Variants in RGPD2 observed in about 807,000 individuals in gnomAD.
The protein encoded by RGPD2 is RANBP2-like and GRIP domain-containing protein 2.
A neutral mutation model predicts 36.0 loss-of-function variants in RGPD2; 2 were observed. That is an observed-to-expected ratio of 0.06 (90% CI 0.02 to 0.17). The LOEUF (loss-of-function observed/expected upper bound fraction) is 0.17. Ranked by LOEUF, RGPD2 falls within the 10% of genes least tolerant of loss-of-function variation. The pLI is 1.00. For missense variants in RGPD2, 40 were observed against 464.3 expected, an observed-to-expected ratio of 0.09 and a Z score of 8.40; for synonymous variants, 19 against 163.8, an observed-to-expected ratio of 0.12 and a Z score of 6.75.
the RGPD2 span, among the ~76,000 whole-genome samples, chr2:87,983,677 AAG>A: frequency 4.2e-5 from 6 of 144,226 alleles, no homozygotes; most frequent in South Asian, 1.4e-3. Context: ...AATGGCACTA[AAG>A]GTATGGAGGC....
At chr2:87,883,632 G>A in the RGPD2 span, among the ~76,000 whole-genome samples, 4 of 151,706 alleles carry the variant, frequency 2.6e-5, no homozygotes, top group Non-Finnish European at 4.4e-5. Flanking sequence ...CACGTTAAAG[G>A]GAGACAGAAA....
chr2:87,882,338 G>A, the RGPD2 span, among the ~76,000 whole-genome samples: 27,449 of 150,020 alleles, frequency 0.18, 969 homozygotes, highest in Non-Finnish European at 0.23. Flanking sequence ...TTTCCCAACA[G>A]CATTTATTGT....
the RGPD2 span, among the ~76,000 whole-genome samples, chr2:87,894,422 A>ACTC: frequency 6.7e-6 from 1 of 150,042 alleles, no homozygotes; most frequent in African/African-American, 2.4e-5. Flanking sequence ...ATCACCTAAG[A>ACTC]TATGGTGATG....
the RGPD2 span, among the ~76,000 whole-genome samples, chr2:87,881,445 T>C: frequency 2.0e-5 from 3 of 152,082 alleles, no homozygotes; most frequent in African/African-American, 7.3e-5. Context: ...TTCTCAAACA[T>C]CCTCTGAAAT....
the RGPD2 span, among the ~76,000 whole-genome samples, chr2:87,866,025 CT>C: frequency 1.0e-5 from 1 of 98,844 alleles, no homozygotes; most frequent in African/African-American, 3.5e-5. Context: ...CATTGGTTGG[CT>C]TTGAGATACT....
At chr2:87,989,786 A>G in the RGPD2 span, 3 of 1,267,362 alleles carry the variant, frequency 2.4e-6, no homozygotes, top group Admixed American at 4.1e-5. Flanking sequence ...AGAGAGAATC[A>G]TGAAGTTTTG....
the RGPD2 span, among the ~76,000 whole-genome samples, chr2:87,984,350 G>T: frequency 1.3e-5 from 2 of 152,048 alleles, no homozygotes; most frequent in Non-Finnish European, 2.9e-5. Flanking sequence ...TGTGGTTAAA[G>T]AGTCGTGAAA....
At chr2:87,847,130 C>T in the RGPD2 span, among the ~76,000 whole-genome samples, 1 of 152,164 alleles carries the variant, frequency 6.6e-6, no homozygotes, top group Non-Finnish European at 1.5e-5. Context: ...TAGTATCTTT[C>T]CAGATTACCA....
the RGPD2 span, among the ~76,000 whole-genome samples, chr2:87,871,692 C>A: frequency 2.0e-5 from 3 of 151,838 alleles, no homozygotes; most frequent in Non-Finnish European, 1.5e-5. Flanking sequence ...ATGGAGAAAC[C>A]CTGTCTCTAC....
At chr2:87,951,892 C>G in the RGPD2 span, among the ~76,000 whole-genome samples, 1 of 150,452 alleles carries the variant, frequency 6.6e-6, no homozygotes, top group Non-Finnish European at 1.5e-5. Flanking sequence ...CCAAAACACT[C>G]TTATCTAGCC....
intron 21 of RGPD2, among the ~76,000 whole-genome samples, chr2:87,772,895 T>A (rs1264210683): frequency 6.8e-6 from 1 of 147,476 alleles, no homozygotes; most frequent in South Asian, 2.2e-4. Context: ...CAGGGTATCA[T>A]GGAAATGGAG....
the RGPD2 span, among the ~76,000 whole-genome samples, chr2:87,884,670 GC>G: frequency 6.6e-6 from 1 of 151,604 alleles, no homozygotes; most frequent in African/African-American, 2.4e-5. Context: ...AAAATTATAT[GC>G]CAACAAGTTA....
the RGPD2 span, among the ~76,000 whole-genome samples, chr2:87,924,581 T>C: frequency 1.3e-5 from 2 of 152,220 alleles, no homozygotes; most frequent in African/African-American, 4.8e-5. Context: ...TTTCCAAGAG[T>C]ATATCTCTCA....
chr2:87,907,464 G>GAAAAAAAAAAAAAAAAAAAAAAAAAA, the RGPD2 span, among the ~76,000 whole-genome samples: 1 of 2,012 alleles, frequency 5.0e-4, no homozygotes, highest in Non-Finnish European at 7.7e-4. Flanking sequence ...AAAAAAAAAA[G>GAAAAAAAAAAAAAAAAAAAAAAAAAA]AATTGTGGGT....
At chr2:87,940,013 A>G in the RGPD2 span, among the ~76,000 whole-genome samples, 1 of 152,054 alleles carries the variant, frequency 6.6e-6, no homozygotes, top group Non-Finnish European at 1.5e-5. Flanking sequence ...GACAATATAA[A>G]ATTAGTACTT....
At chr2:87,825,134 C>A in intron 1 of RGPD2, 1 of 389,742 alleles carries the variant, frequency 2.6e-6, no homozygotes, top group Non-Finnish European at 4.5e-6. Flanking sequence ...TCATTCATTG[C>A]CCCCACAATC....
chr2:87,884,372 C>G, the RGPD2 span, among the ~76,000 whole-genome samples: 1 of 151,832 alleles, frequency 6.6e-6, no homozygotes, highest in Admixed American at 6.6e-5. Flanking sequence ...AAGAGCTTAA[C>G]ATTACATCTT....
the RGPD2 span, among the ~76,000 whole-genome samples, chr2:87,951,995 C>T: frequency 3.3e-5 from 5 of 152,066 alleles, no homozygotes; most frequent in South Asian, 1.0e-3. Context: ...AATTGCCTAC[C>T]CACTTGTATA....
chr2:87,906,786 T>A, the RGPD2 span, among the ~76,000 whole-genome samples: 1 of 148,732 alleles, frequency 6.7e-6, no homozygotes, highest in African/African-American at 2.5e-5. Context: ...ATCCTAGCAC[T>A]TTGGGAGGCT....
Sources: allele counts gnomAD v4.1 joint callset (sites outside exome capture counted in the v4.1 genomes callset), GRCh38; gene constraint gnomAD v4.1.1; transcripts MANE v1.5; gene names NCBI Gene and HGNC (gene_info 2026-07-23, HGNC 2026-07-21).